MAL: variants seen among roughly 807,000 people sequenced by gnomAD.
MAL encodes the protein mal, T cell differentiation protein (MAL blood group).
A neutral mutation model predicts 16.7 loss-of-function variants in MAL; 5 were observed. The ratio of observed to expected loss-of-function variants is 0.30; its 90% confidence interval spans 0.16 to 0.63. The LOEUF (loss-of-function observed/expected upper bound fraction) is 0.63, where lower values mean the gene tolerates loss of function less well. Among genes scored for constraint, MAL ranks in the 30% least tolerant of loss-of-function variants. The pLI, the probability that MAL is intolerant of heterozygous loss-of-function variation, is 0.82. For synonymous variants in MAL, 96 were observed against 85.5 expected, an observed-to-expected ratio of 1.12 and a Z score of -0.67; for missense variants, 202 against 195.8, an observed-to-expected ratio of 1.03 and a Z score of -0.19.
At chr2:95,051,080 TCAG>T (rs1400219476) in intron 3 of MAL, among the ~76,000 whole-genome samples, 1 of 152,188 alleles carries the variant, frequency 6.6e-6, no homozygotes, top group Non-Finnish European at 1.5e-5. Context: ...GGTTAGTGGG[TCAG>T]CACTTGATGG....
intron 3 of MAL, 37 bp downstream of exon 3, chr2:95,049,743 C>A (rs570607569): frequency 1.2e-6 from 2 of 1,611,426 alleles, no homozygotes; most frequent in Non-Finnish European, 1.7e-6. Context: ...CCACAGCGGG[C>A]GGCTCCGTGG....
chr2:95,025,814 G>A lies in MAL; in HGVS notation c.22G>A (p.Gly8Arg). The stretch of plus-strand genomic sequence containing the variant: ...CGTCATGGCCCCCGCAGCGGCGACG[G>A]GGGGCAGCACCCTGCCCAGTGGCTT... MAPAAAT[G>R]GSTLPSGFSV... The change falls in exon 1 of 4, where the codon GGG becomes AGG. Residue 8 changes from glycine to arginine, a missense_variant. Transcript: ENST00000309988. This position sits in a 1 kb window ranked among gnomAD's most constrained non-coding sequence, Gnocchi z 5.6. The A allele has an allele frequency of 1.3e-6, 2 of 1,563,818 alleles. No individual in the cohort carries two copies. The highest frequency in any genetic ancestry group is 1.7e-6 in the Non-Finnish European group (2 of 1,155,406).
intron 1 of MAL, among the ~76,000 whole-genome samples, chr2:95,035,496 T>A (rs1195346776): frequency 6.6e-6 from 1 of 152,056 alleles, no homozygotes; most frequent in African/African-American, 2.4e-5. Flanking sequence ...CTCTAGCTCA[T>A]GAGGGAGGTG....
intron 1 of MAL, among the ~76,000 whole-genome samples, chr2:95,036,351 G>C (rs546597094): frequency 4.6e-4 from 70 of 152,264 alleles, no homozygotes; most frequent in Admixed American, 9.8e-4. Context: ...GCCAACTACC[G>C]GGCTCTGTAC....
At chr2:95,052,602 C>A (rs1674744035) in intron 3 of MAL, among the ~76,000 whole-genome samples, 2 of 152,158 alleles carry the variant, frequency 1.3e-5, no homozygotes, top group African/African-American at 2.4e-5. Flanking sequence ...AAACTCTTGA[C>A]CCCTAACCAA....
At chr2:95,047,929 C>T (rs1674626934) in intron 1 of MAL, 30 bp from the exon 2 acceptor site, 1 of 1,605,660 alleles carries the variant, frequency 6.2e-7, no homozygotes, top group African/African-American at 1.3e-5. Flanking sequence ...CTCCTCTAGG[C>T]CAAAACTCAC....
intron 2 of MAL, among the ~76,000 whole-genome samples, chr2:95,049,304 A>G (rs1467133599): frequency 6.6e-6 from 1 of 152,102 alleles, no homozygotes; most frequent in Non-Finnish European, 1.5e-5. Context: ...TCCCTGGGAC[A>G]CCCCAAGCTG....
chr2:95,039,535 G>GGTGA (rs1368206315), intron 1 of MAL, among the ~76,000 whole-genome samples: 3 of 140,802 alleles, frequency 2.1e-5, no homozygotes, highest in African/African-American at 8.0e-5. Flanking sequence ...TGACTGAGTG[G>GGTGA]GTGAGTGAGT....
At chr2:95,049,360 C>G (rs1205020702) in intron 2 of MAL, among the ~76,000 whole-genome samples, 1 of 152,146 alleles carries the variant, frequency 6.6e-6, no homozygotes. Flanking sequence ...CAGGGGAGAC[C>G]AGTGTCCCAT....
intron 1 of MAL, among the ~76,000 whole-genome samples, chr2:95,032,572 G>A (rs1290681193): frequency 6.6e-6 from 1 of 152,226 alleles, no homozygotes; most frequent in Non-Finnish European, 1.5e-5. Flanking sequence ...AGGACAGTGG[G>A]GGACTGTGCC....
At chr2:95,039,336 GT>G (rs1674376394) in intron 1 of MAL, among the ~76,000 whole-genome samples, 1 of 150,218 alleles carries the variant, frequency 6.7e-6, no homozygotes, top group African/African-American at 2.5e-5. Flanking sequence ...GACTGAGTGA[GT>G]GAGTGAGTGA....
intron 1 of MAL, chr2:95,026,510 G>T (rs1279919562): frequency 8.2e-4 from 111 of 135,986 alleles, no homozygotes; most frequent in Non-Finnish European, 1.3e-3. Context: ...GAGATGGGGG[G>T]TGGGGGGTGG....
At chr2:95,052,558 T>C (rs920221399) in intron 3 of MAL, among the ~76,000 whole-genome samples, 2 of 152,212 alleles carry the variant, frequency 1.3e-5, no homozygotes, top group African/African-American at 4.8e-5. Context: ...CACAGAGGCG[T>C]AGCCGCCCTA....
chr2:95,038,316 C>CTGAG (rs1189622446), intron 1 of MAL, among the ~76,000 whole-genome samples: 1 of 129,286 alleles, frequency 7.7e-6, no homozygotes, highest in African/African-American at 3.0e-5. Flanking sequence ...GAGTGAGTGA[C>CTGAG]TGAGTGAGTG....
chr2:95,031,277 C>T (rs897487831), intron 1 of MAL, among the ~76,000 whole-genome samples: 2 of 152,164 alleles, frequency 1.3e-5, no homozygotes, highest in African/African-American at 2.4e-5. Context: ...GAGTAGGCAG[C>T]CCTGCCCACC....
chr2:95,026,018 G>A, intron 1 of MAL, 133 bp downstream of exon 1: 2 of 757,538 alleles, frequency 2.6e-6, no homozygotes, highest in Non-Finnish European at 4.2e-6. Flanking sequence ...GGCGCAGGGC[G>A]GGGACTAAGC....
chr2:95,039,471 A>G (rs972173036), intron 1 of MAL, among the ~76,000 whole-genome samples: 3 of 150,070 alleles, frequency 2.0e-5, no homozygotes, highest in South Asian at 2.1e-4. Flanking sequence ...TGGGTGAGTG[A>G]GTGAGTAAGT....
chr2:95,025,778 C>G lies in MAL; in HGVS notation c.-15C>G. On this transcript the variant is annotated 5_prime_UTR_variant, in exon 1 of 4. Transcript: ENST00000309988. The surrounding 1 kb of genome is among the most constrained non-coding windows in gnomAD (Gnocchi z 5.6). ...GGCGCTCGTCCCGTCCCAAGGCCGA[C>G]GCCAGCACGCCGTCATGGCCCCCGC... 1 of 1,525,612 alleles carries G rather than the reference C, an allele frequency of 6.6e-7. No individual in the cohort carries two copies. Among genetic ancestry groups the G allele is most frequent in the Non-Finnish European group, 8.8e-7 (1 of 1,133,474 alleles). 94.5% of individuals were successfully genotyped at this position (1,525,612 alleles called of 1,614,324 possible). A position where few individuals can be genotyped will look rare whatever the true frequency, so the allele number is the denominator to read the frequency against.
intron 3 of MAL, among the ~76,000 whole-genome samples, chr2:95,052,091 A>G (rs1421242479): frequency 6.6e-6 from 1 of 152,198 alleles, no homozygotes; most frequent in Non-Finnish European, 1.5e-5. Context: ...CTGCTTTGCC[A>G]AAGGGACCCC....
Sources: gnomAD v4.1 joint callset for allele counts (sites outside exome capture counted in the v4.1 genomes callset) on GRCh38, gnomAD v4.1.1 for gene constraint, Gnocchi (gnomAD v3.1) non-coding constraint, MANE v1.5 for transcripts, NCBI Gene and HGNC (gene_info 2026-07-23, HGNC 2026-07-21) for gene names.